MUSK: variants seen among roughly 807,000 people sequenced by gnomAD.
MUSK encodes muscle, skeletal receptor tyrosine-protein kinase.
Under a neutral mutation model 88.7 loss-of-function variants are expected in MUSK, and 55 were observed. The observed-to-expected ratio is 0.62, with a 90% confidence interval of 0.50 to 0.78. MUSK has a LOEUF of 0.78. Among genes scored for constraint, MUSK ranks in the 30% least tolerant of loss-of-function variants. MUSK has a pLI of 0.00. For missense variants in MUSK, 1,015 were observed against 1,074.3 expected, an observed-to-expected ratio of 0.94 and a Z score of 0.77; for synonymous variants, 387 against 391.9, an observed-to-expected ratio of 0.99 and a Z score of 0.15.
intron 1 of MUSK, among the ~76,000 whole-genome samples, chr9:110,673,352 A>G (rs931947864): frequency 6.6e-6 from 1 of 152,178 alleles, no homozygotes; most frequent in Non-Finnish European, 1.5e-5. Context: ...AAGTTGTGCA[A>G]CCATTTTTAG....
At position 110,800,711 on chromosome 9, in the gene MUSK, G is replaced by A. The variant is rs751712655; in HGVS notation, c.2333G>A (p.Arg778His). ...WMPPESIFYN[R>H]YTTESDVWAY... ...CCACCAGAGTCCATTTTTTATAACC[G>A]CTACACTACAGAGTCTGATGTGTGG... The change falls in exon 15 of 15, where the codon CGC becomes CAC. Residue 778 changes from arginine (R) to histidine (H), a missense_variant. Coordinates refer to ENST00000374448, the MANE Select transcript of MUSK (RefSeq NM_005592.4). The A allele has an allele frequency of 6.3e-5, 102 of 1,613,766 alleles. No homozygotes were observed. The highest frequency in any genetic ancestry group is 8.3e-5 in the Non-Finnish European group (98 of 1,179,892).
At position 110,717,611 on chromosome 9, in the gene MUSK, C is replaced by G. The variant is rs765015906; in HGVS notation, c.629-16640C>G. Among the ~76,000 whole-genome samples the G allele has an allele frequency of 5.7e-4, 86 of 149,980 alleles. 2 individuals are homozygous for G. The highest frequency in any genetic ancestry group is 2.7e-4 in the Non-Finnish European group (18 of 67,886). ...TGTTTCCAATTTCTTATTTCTGAAA[C>G]ATATTATTCATTAGTTCATTCAATT... is the stretch of plus-strand genomic sequence containing the variant. On this transcript the variant is annotated intron_variant, in intron 5 of 14. Transcript: ENST00000374448.
Position 110,697,387 on chromosome 9 carries a change from A to G in MUSK, c.549A>G (p.Glu183=), listed in dbSNP as rs369254308. ...TGAGGATTCATAACGTACAAAAGGA[A>G]GATGCAGGACAGTATCGATGTGTGG... is the stretch of plus-strand genomic sequence containing the variant. ...GSLRIHNVQK[E]DAGQYRCVAK... The change falls in exon 5 of 15, where the codon GAA becomes GAG. Residue 183 remains glutamate (E), a synonymous_variant. Coordinates refer to ENST00000374448, the MANE Select transcript of MUSK (RefSeq NM_005592.4). 1.5e-4 allele frequency: 245 copies of G among 1,613,152 alleles called. No homozygotes were observed. The highest frequency in any genetic ancestry group is 5.0e-4 in the Admixed American group (30 of 59,946).
chr9:110,797,220 T>G (rs2078021759), intron 14 of MUSK, among the ~76,000 whole-genome samples: 1 of 131,692 alleles, frequency 7.6e-6, no homozygotes, highest in South Asian at 2.6e-4. Flanking sequence ...CAAGTAATAC[T>G]TTTAGGAATT....
intron 9 of MUSK, among the ~76,000 whole-genome samples, chr9:110,770,440 A>G (rs2077555306): frequency 6.8e-6 from 1 of 146,412 alleles, no homozygotes; most frequent in African/African-American, 2.5e-5. Context: ...ATAATTTACA[A>G]TTATATATTA....
intron 6 of MUSK, among the ~76,000 whole-genome samples, chr9:110,740,923 T>C (rs1270593382): frequency 6.6e-6 from 1 of 152,136 alleles, no homozygotes; most frequent in East Asian, 1.9e-4. Flanking sequence ...ATCTCACTTA[T>C]ATGTGGAATC....
chr9:110,675,165 G>GGTAAGTGAT lies in MUSK; in HGVS notation c.79+6184_79+6192dup, dbSNP rs2076008016. Among the ~76,000 whole-genome samples, 4 of 151,098 alleles carry GGTAAGTGAT rather than the reference G, an allele frequency of 2.6e-5. No individual in the cohort carries two copies. The South Asian group carries it at 8.4e-4, about 32-fold the overall frequency. ...GTGTGGTTAAGTGACTTGCAGAGTC[G>GGTAAGTGAT]GTAAGTGATGGAGCTGGGATGTGAA... On this transcript the variant is annotated intron_variant, in intron 1 of 14. Transcript: ENST00000374448.
intron 6 of MUSK, among the ~76,000 whole-genome samples, chr9:110,737,435 C>A (rs1318459941): frequency 6.6e-6 from 1 of 151,718 alleles, no homozygotes; most frequent in Non-Finnish European, 1.5e-5. Context: ...TATATTGAAC[C>A]ATTCTTTCAT....
intron 11 of MUSK, among the ~76,000 whole-genome samples, chr9:110,777,059 A>C (rs2077683413): frequency 6.6e-6 from 1 of 152,128 alleles, no homozygotes; most frequent in South Asian, 2.1e-4. Context: ...TTCATTTGTG[A>C]CAATAGATCC....
intron 7 of MUSK, among the ~76,000 whole-genome samples, chr9:110,757,373 C>T (rs555276379): frequency 7.0e-4 from 106 of 151,128 alleles, no homozygotes; most frequent in Admixed American, 1.1e-3. Flanking sequence ...GCAGGATAAT[C>T]GCTTGAACCT....
intron 13 of MUSK, among the ~76,000 whole-genome samples, chr9:110,787,361 C>CAAAAAAA (rs10659550): frequency 2.2e-5 from 2 of 91,442 alleles, no homozygotes; most frequent in African/African-American, 9.2e-5. Context: ...GACTCTGTCT[C>CAAAAAAA]AAAAAAAAAA....
chr9:110,698,693 G>A (rs2076464339), intron 5 of MUSK, among the ~76,000 whole-genome samples: 1 of 151,958 alleles, frequency 6.6e-6, no homozygotes, highest in Admixed American at 6.6e-5. Flanking sequence ...ATTCCTCATG[G>A]AAAATAATGA....
chr9:110,682,815 TTTTAA>T lies in MUSK; in HGVS notation c.206+19_206+23del, dbSNP rs1187754636. ...ATTCTCATTAAGTAAGTATTCCACA[TTTTAA>T]TTTTTTTAAATTTTTGTGGGTATAT... On this transcript the variant is annotated intron_variant, in intron 2 of 14. Transcript: ENST00000374448. 1.9e-6 allele frequency: 3 copies of T among 1,594,720 alleles called. No individual in the cohort carries two copies. The highest frequency in any genetic ancestry group is 2.6e-6 in the Non-Finnish European group (3 of 1,166,024).
chr9:110,764,624 T>TAGAC (rs1303931824), intron 8 of MUSK, among the ~76,000 whole-genome samples: 39 of 151,924 alleles, frequency 2.6e-4, no homozygotes, highest in African/African-American at 9.4e-4. Flanking sequence ...GATAGATAGA[T>TAGAC]AGATAGATAG....
chr9:110,740,839 G>A (rs1355746960), intron 6 of MUSK, among the ~76,000 whole-genome samples: 2 of 152,112 alleles, frequency 1.3e-5, no homozygotes, highest in Non-Finnish European at 2.9e-5. Flanking sequence ...ATTCAAAGGC[G>A]TCTCGACATG....
intron 5 of MUSK, among the ~76,000 whole-genome samples, chr9:110,727,036 A>AG (rs2076894960): frequency 6.6e-6 from 1 of 152,132 alleles, no homozygotes; most frequent in Non-Finnish European, 1.5e-5. Context: ...TGTAAAAAAA[A>AG]GATTTCTTCA....
intron 5 of MUSK, chr9:110,728,824 TAAC>T (rs377152964): frequency 7.3e-6 from 6 of 823,836 alleles, no homozygotes; most frequent in African/African-American, 7.1e-5. Context: ...TTTAAAGAAA[TAAC>T]AAACAATGTA....
At chr9:110,721,153 G>C (rs2076806162) in intron 5 of MUSK, among the ~76,000 whole-genome samples, 1 of 152,074 alleles carries the variant, frequency 6.6e-6, no homozygotes, top group Non-Finnish European at 1.5e-5. Flanking sequence ...GGGAAAAGCT[G>C]AAAGTGTTAC....
At chr9:110,736,608 T>A (rs910285929) in intron 6 of MUSK, among the ~76,000 whole-genome samples, 9 of 152,066 alleles carry the variant, frequency 5.9e-5, no homozygotes, top group Admixed American at 5.9e-4. Flanking sequence ...TTTATTTGAG[T>A]GAGATGAGGT....
Sources: gnomAD v4.1 joint callset for allele counts (sites outside exome capture counted in the v4.1 genomes callset) on GRCh38, gnomAD v4.1.1 for gene constraint, MANE v1.5 for transcripts, NCBI Gene and HGNC (gene_info 2026-07-23, HGNC 2026-07-21) for gene names.